Variants in ELAVL4 observed in about 807,000 individuals in gnomAD.
ELAVL4 encodes the protein ELAV-like protein 4.
A neutral mutation model predicts 35.6 loss-of-function variants in ELAVL4; 1 was observed. The observed-to-expected ratio is 0.03, with a 90% confidence interval of 0.01 to 0.13. The LOEUF (loss-of-function observed/expected upper bound fraction) is 0.13, where lower values mean the gene tolerates loss of function less well. Ranked by LOEUF, ELAVL4 falls within the 10% of genes least tolerant of loss-of-function variation. The pLI, the probability that ELAVL4 is intolerant of heterozygous loss-of-function variation, is 1.00. For missense variants in ELAVL4, 267 were observed against 464.9 expected (o/e 0.57, Z 3.91); for synonymous variants, 156 against 171.0 (o/e 0.91, Z 0.69).
In ELAVL4 at chr1:50,201,373, T is replaced by C. The variant is rs920949528; in HGVS notation, c.*195T>C. 1.7e-5 allele frequency: 8 copies of C among 482,446 alleles called. No individual in the cohort carries two copies. Among genetic ancestry groups the C allele is most frequent in the African/African-American group, 1.4e-4 (7 of 49,220 alleles). The allele number at this position is 482,446 out of a possible 1,614,324, so 29.9% of individuals were successfully genotyped here. On this transcript the variant is annotated 3_prime_UTR_variant, in exon 7 of 7. Transcript: ENST00000371824. The surrounding 1 kb of genome is among the most constrained non-coding windows in gnomAD (Gnocchi z 4.3). Reference sequence around the variant, plus strand: ...TGAGGTGTACCAGGAAAGGATTTTATAATGCTTAGAAAAAAAGAAAAAAAA... The same window carrying C: ...TGAGGTGTACCAGGAAAGGATTTTACAATGCTTAGAAAAAAAGAAAAAAAA...
intron 3 of ELAVL4, chr1:50,180,896 G>GT (rs1157719344): frequency 4.6e-5 from 7 of 152,162 alleles, no homozygotes; most frequent in Non-Finnish European, 1.0e-4. Flanking sequence ...TTTATAGTGA[G>GT]TATTCACTCT....
At chr1:50,200,065 A>C (rs1333103398) in intron 6 of ELAVL4, among the ~76,000 whole-genome samples, 1 of 152,246 alleles carries the variant, frequency 6.6e-6, no homozygotes, top group Non-Finnish European at 1.5e-5. Context: ...CTTAGGAATA[A>C]ATTCCAGATA....
intron 1 of ELAVL4, among the ~76,000 whole-genome samples, chr1:50,141,609 C>G (rs1294034570): frequency 1.3e-5 from 2 of 152,192 alleles, no homozygotes; most frequent in Non-Finnish European, 2.9e-5. Flanking sequence ...TAGCATGCCT[C>G]CTTCCCTGGG....
intron 2 of ELAVL4, among the ~76,000 whole-genome samples, chr1:50,165,601 T>C (rs1677670221): frequency 6.8e-6 from 1 of 147,946 alleles, no homozygotes; most frequent in Admixed American, 6.8e-5. Flanking sequence ...TATATACGTG[T>C]ATGTATACGT....
intron 2 of ELAVL4, among the ~76,000 whole-genome samples, chr1:50,173,452 G>A (rs976647502): frequency 6.6e-6 from 1 of 152,160 alleles, no homozygotes; most frequent in Non-Finnish European, 1.5e-5. Context: ...TGAATTATAA[G>A]TTTCCATCTC....
intron 1 of ELAVL4, among the ~76,000 whole-genome samples, chr1:50,069,061 T>C (rs995396741): frequency 2.6e-5 from 4 of 152,250 alleles, no homozygotes; most frequent in Middle Eastern, 3.2e-3. Flanking sequence ...TCTAAGTCCA[T>C]GCTCTTTCTA....
chr1:50,137,277 G>T (rs186279430), intron 1 of ELAVL4, among the ~76,000 whole-genome samples: 15 of 152,248 alleles, frequency 9.9e-5, no homozygotes, highest in Admixed American at 7.2e-4. Flanking sequence ...GACTATGGTA[G>T]CAACAATGAT....
chr1:50,129,947 A>G (rs368364490), intron 1 of ELAVL4, among the ~76,000 whole-genome samples: 9 of 152,266 alleles, frequency 5.9e-5, no homozygotes, highest in African/African-American at 1.7e-4. Flanking sequence ...ACCCTGCAAG[A>G]CAGATAGAAT....
intron 2 of ELAVL4, among the ~76,000 whole-genome samples, chr1:50,168,945 T>C (rs1572504423): frequency 1.4e-5 from 2 of 144,106 alleles, no homozygotes; most frequent in African/African-American, 5.2e-5. Context: ...ATAGGAGATA[T>C]GTATATATAT....
intron 2 of ELAVL4, among the ~76,000 whole-genome samples, chr1:50,169,918 C>T (rs1678679726): frequency 6.6e-6 from 1 of 152,120 alleles, no homozygotes; most frequent in South Asian, 2.1e-4. Flanking sequence ...AGTTTTTATA[C>T]CTGTGTTTTC....
At chr1:50,056,348 C>T (rs1159678897) in intron 1 of ELAVL4, among the ~76,000 whole-genome samples, 1 of 152,060 alleles carries the variant, frequency 6.6e-6, no homozygotes, top group Admixed American at 6.5e-5. Flanking sequence ...GGTCATGCAC[C>T]ACATAAGTAC....
chr1:50,109,017 C>CGGGGGGGGG lies in ELAVL4; in HGVS notation c.-173_-172insGGGGGGGGG. The stretch of plus-strand genomic sequence containing the variant: ...TCCTTTTCTTTTTTTTCTTTCTCTC[C>CGGGGGGGGG]CCCGCCCACCCCCCCAAAAATAATT... On this transcript the variant is annotated 5_prime_UTR_variant, in exon 1 of 7. Coordinates refer to ENST00000371824, the MANE Select transcript of ELAVL4 (RefSeq NM_001144774.3). The CGGGGGGGGG allele has an allele frequency of 1.9e-6, 1 of 539,676 alleles. No homozygotes were observed. The highest frequency in any genetic ancestry group is 2.3e-6 in the Non-Finnish European group (1 of 431,786). The allele number at this position is 539,676 out of a possible 1,614,324, so 33.4% of individuals were successfully genotyped here.
At chr1:50,091,904 C>G (rs191507223) in intron 1 of ELAVL4, among the ~76,000 whole-genome samples, 1 of 152,282 alleles carries the variant, frequency 6.6e-6, no homozygotes, top group East Asian at 1.9e-4. Context: ...GTCTGTGAGA[C>G]ATGTATGCAA....
chr1:50,139,587 T>C (rs1268630708), intron 1 of ELAVL4, among the ~76,000 whole-genome samples: 1 of 152,164 alleles, frequency 6.6e-6, no homozygotes, highest in Non-Finnish European at 1.5e-5. Flanking sequence ...GATCTAGCCA[T>C]AGTGGAAGTA....
At chr1:50,048,120 C>A in exon 1 of ELAVL4, 1 of 1,495,070 alleles carries the variant, frequency 6.7e-7, no homozygotes, top group Non-Finnish European at 8.9e-7. Flanking sequence ...GCGCTCCGCC[C>A]CACCCAGCCT....
At chr1:50,150,728 A>G (rs1217789143) in intron 2 of ELAVL4, among the ~76,000 whole-genome samples, 1 of 152,212 alleles carries the variant, frequency 6.6e-6, no homozygotes, top group East Asian at 1.9e-4. Flanking sequence ...TGAGATAACT[A>G]TATAAACAAT....
At chr1:50,151,806 G>A (rs1288638651) in intron 2 of ELAVL4, among the ~76,000 whole-genome samples, 1 of 152,122 alleles carries the variant, frequency 6.6e-6, no homozygotes, top group Non-Finnish European at 1.5e-5. Flanking sequence ...GAATAAAAGA[G>A]TTTTGATTTG....
intron 1 of ELAVL4, among the ~76,000 whole-genome samples, chr1:50,119,032 AAGAAAAAGAAAGAAAG>A (rs1315848570): frequency 3.1e-5 from 4 of 130,212 alleles, no homozygotes; most frequent in African/African-American, 1.2e-4. Context: ...GAAAGAAAGA[AAGAAAAAGAAAGAAAG>A]AAAGAAAGAA....
chr1:50,143,592 C>G (rs12728654), intron 1 of ELAVL4, among the ~76,000 whole-genome samples: 4,914 of 152,246 alleles, frequency 0.032, 99 homozygotes, highest in Non-Finnish European at 0.051. Flanking sequence ...AATGAAGACT[C>G]TTAGGATTTA....
Sources: allele counts gnomAD v4.1 joint callset (sites outside exome capture counted in the v4.1 genomes callset), GRCh38; gene constraint gnomAD v4.1.1; non-coding constraint Gnocchi (gnomAD v3.1); transcripts MANE v1.5; gene names NCBI Gene and HGNC (gene_info 2026-07-23, HGNC 2026-07-21).